TBCA: variants seen among roughly 807,000 people sequenced by gnomAD.
TBCA encodes the protein tubulin-specific chaperone A.
TBCA carries 6 observed loss-of-function variants against 15.8 expected under a neutral mutation model. That is an observed-to-expected ratio of 0.38 (90% CI 0.21 to 0.75). The LOEUF (loss-of-function observed/expected upper bound fraction) is 0.75. TBCA is among the 30% of genes least tolerant of loss of function. TBCA has a pLI of 0.46. For synonymous variants in TBCA, 32 were observed against 42.3 expected (o/e 0.76, Z 0.94); for missense variants, 90 against 131.2 (o/e 0.69, Z 1.53).
Position 77,703,574 on chromosome 5 carries a change from A to G in TBCA, c.159+4668T>C, listed in dbSNP as rs59636082. ...CTAGTTGCTTATTTTTAAATTTTCT[A>G]TTTTATTTTATGTATTTTTTGAGAC... On this transcript the variant is annotated intron_variant, in intron 2 of 3. Transcript: ENST00000380377. Among the ~76,000 whole-genome samples, 988 of 152,116 alleles carry G rather than the reference A, an allele frequency of 6.5e-3. 13 individuals are homozygous for G. The highest frequency in any genetic ancestry group is 0.023 in the African/African-American group (951 of 41,522).
chr5:77,747,611 T>C (rs1160687188), intron 1 of TBCA, among the ~76,000 whole-genome samples: 2 of 152,162 alleles, frequency 1.3e-5, no homozygotes, highest in East Asian at 3.9e-4. Flanking sequence ...CAGGGCACAG[T>C]AGGGGGTTAA....
chr5:77,718,715 T>C (rs957219571), intron 1 of TBCA, among the ~76,000 whole-genome samples: 2 of 152,194 alleles, frequency 1.3e-5, no homozygotes, highest in East Asian at 1.9e-4. Context: ...AGGAAGAACC[T>C]GCTACAGTAT....
intron 2 of TBCA, 25 bp from the exon 3 acceptor site, chr5:77,693,377 G>A (rs984525540): frequency 3.1e-6 from 5 of 1,598,130 alleles, no homozygotes; most frequent in East Asian, 2.2e-5. Flanking sequence ...TCTGTGAGAC[G>A]TTCAAAGATG....
At chr5:77,701,703 A>ATG (rs1387580789) in intron 2 of TBCA, among the ~76,000 whole-genome samples, 3 of 133,004 alleles carry the variant, frequency 2.3e-5, no homozygotes, top group African/African-American at 8.2e-5. Context: ...ATATATATAT[A>ATG]TATATATATA....
intron 1 of TBCA, among the ~76,000 whole-genome samples, chr5:77,729,378 A>G (rs1272742438): frequency 6.6e-6 from 1 of 152,114 alleles, no homozygotes; most frequent in African/African-American, 2.4e-5. Flanking sequence ...AGGCTAGCCC[A>G]TTCTCCTGTG....
At chr5:77,754,793 T>G (rs991453523) in intron 1 of TBCA, among the ~76,000 whole-genome samples, 1 of 152,210 alleles carries the variant, frequency 6.6e-6, no homozygotes, top group African/African-American at 2.4e-5. Flanking sequence ...AAAAATGAAA[T>G]TGTTTCATCA....
chr5:77,723,660 T>G (rs1434865150), intron 1 of TBCA, among the ~76,000 whole-genome samples: 2 of 152,048 alleles, frequency 1.3e-5, no homozygotes, highest in Non-Finnish European at 2.9e-5. Flanking sequence ...TATGAAATTT[T>G]ATTTTCCAGG....
chr5:77,729,870 C>G (rs1432241861), intron 1 of TBCA, among the ~76,000 whole-genome samples: 2 of 152,132 alleles, frequency 1.3e-5, no homozygotes, highest in Non-Finnish European at 2.9e-5. Flanking sequence ...TAATATAAGA[C>G]TAGGACCCAT....
chr5:77,703,614 T>C (rs1269135115), intron 2 of TBCA, among the ~76,000 whole-genome samples: 1 of 152,204 alleles, frequency 6.6e-6, no homozygotes, highest in Non-Finnish European at 1.5e-5. Flanking sequence ...CCTCACTCTG[T>C]CACCCAGGCT....
intron 2 of TBCA, among the ~76,000 whole-genome samples, chr5:77,703,267 C>T (rs1187070880): frequency 1.3e-5 from 2 of 149,454 alleles, no homozygotes; most frequent in Non-Finnish European, 3.0e-5. Context: ...ATAAGTTGTG[C>T]CTCAGGAGAA....
intron 2 of TBCA, among the ~76,000 whole-genome samples, chr5:77,699,526 TTGAC>T (rs989589062): frequency 5.9e-5 from 9 of 152,182 alleles, no homozygotes; most frequent in Admixed American, 2.0e-4. Context: ...CAACTGGACA[TTGAC>T]TGGCAAAAAG....
At chr5:77,704,206 G>A (rs772374624) in intron 2 of TBCA, among the ~76,000 whole-genome samples, 1 of 152,166 alleles carries the variant, frequency 6.6e-6, no homozygotes, top group Non-Finnish European at 1.5e-5. Context: ...CTGGGCTCAA[G>A]TGATCTACCC....
chr5:77,773,246 G>A (rs1257257738), intron 1 of TBCA, among the ~76,000 whole-genome samples: 1 of 152,050 alleles, frequency 6.6e-6, no homozygotes, highest in East Asian at 1.9e-4. Context: ...ACTCTTTACG[G>A]GAGCACTGTA....
intron 1 of TBCA, among the ~76,000 whole-genome samples, chr5:77,709,869 C>T (rs1334042424): frequency 2.0e-5 from 3 of 151,934 alleles, no homozygotes; most frequent in Non-Finnish European, 4.4e-5. Flanking sequence ...ATGGATGAAC[C>T]CTGAAAACAT....
intron 2 of TBCA, 103 bp from the exon 3 acceptor site, chr5:77,693,455 G>C (rs1326606352): frequency 3.1e-6 from 4 of 1,286,432 alleles, no homozygotes; most frequent in African/African-American, 1.5e-5. Context: ...TCAGAAAAAA[G>C]TTATGGTTAT....
intron 1 of TBCA, among the ~76,000 whole-genome samples, chr5:77,736,330 C>A (rs556070565): frequency 7.9e-6 from 1 of 127,324 alleles, no homozygotes; most frequent in Admixed American, 7.8e-5. Flanking sequence ...AGCGAGACTC[C>A]GTCTCAAAAA....
chr5:77,708,089 C>T (rs1746189221), intron 2 of TBCA, among the ~76,000 whole-genome samples, 153 bp downstream of exon 2: 1 of 152,116 alleles, frequency 6.6e-6, no homozygotes, highest in African/African-American at 2.4e-5. Context: ...GTTATTTAAC[C>T]TGTGTTTGAG....
intron 2 of TBCA, 127 bp from the exon 3 acceptor site, chr5:77,693,479 A>G (rs932401851): frequency 5.5e-6 from 6 of 1,096,758 alleles, no homozygotes; most frequent in Non-Finnish European, 7.8e-6. Context: ...AAATGGTTCA[A>G]TATTTTAACT....
chr5:77,757,145 T>C (rs1747494455), intron 1 of TBCA, among the ~76,000 whole-genome samples: 1 of 152,134 alleles, frequency 6.6e-6, no homozygotes, highest in Non-Finnish European at 1.5e-5. Flanking sequence ...TCTGACCACG[T>C]CAGGTAGAGT....
Sources: gnomAD v4.1 joint callset for allele counts (sites outside exome capture counted in the v4.1 genomes callset) on GRCh38, gnomAD v4.1.1 for gene constraint, MANE v1.5 for transcripts, NCBI Gene and HGNC (gene_info 2026-07-23, HGNC 2026-07-21) for gene names.